The following CMTM8 variants were observed in gnomAD, a reference collection of about 807,000 sequenced individuals.
CMTM8 encodes CKLF like MARVEL transmembrane domain containing 8.
Under a neutral mutation model 18.6 loss-of-function variants are expected in CMTM8, and 12 were observed. The ratio of observed to expected loss-of-function variants is 0.65; its 90% CI spans 0.41 to 1.05. The LOEUF (loss-of-function observed/expected upper bound fraction) is 1.05, where lower values mean the gene tolerates loss of function less well. CMTM8 is among the 50% of genes least tolerant of loss of function. The probability of loss-of-function intolerance (pLI) is 0.00; values close to 1 mark genes in which losing one functional copy is unlikely to be tolerated. For synonymous variants in CMTM8, 87 were observed against 90.6 expected (o/e 0.96, Z 0.23); for missense variants, 217 against 227.2 (o/e 0.95, Z 0.29).
At chr3:32,353,691 TA>T (rs1696756299) in intron 1 of CMTM8, among the ~76,000 whole-genome samples, 2 of 152,082 alleles carry the variant, frequency 1.3e-5, no homozygotes, top group South Asian at 2.1e-4. Flanking sequence ...CCAGAAAGGG[TA>T]AATACAAAAT....
rs989631773 is a variant in CMTM8, at chr3:32,358,430, CAG to C, written c.321+887_321+888del. ...GTACCACATGTGTTTATGTATAAAA[CAG>C]AGCTCTCCAGTGATACTATTTTTTT... On this transcript the variant is annotated intron_variant, in intron 2 of 3. Coordinates refer to ENST00000307526, the MANE Select transcript of CMTM8 (RefSeq NM_178868.5). This position sits in a 1 kb window ranked among gnomAD's most constrained non-coding sequence, Gnocchi z 4.1. Among the ~76,000 whole-genome samples the C allele has an allele frequency of 2.6e-5, 4 of 152,134 alleles. No individual in the cohort carries two copies. The highest frequency in any genetic ancestry group is 4.4e-5 in the Non-Finnish European group (3 of 68,014).
intron 1 of CMTM8, among the ~76,000 whole-genome samples, chr3:32,347,640 C>T (rs940085842): frequency 4.6e-5 from 7 of 152,146 alleles, no homozygotes; most frequent in African/African-American, 1.2e-4. Flanking sequence ...AGGCCAATCA[C>T]GTCACATAAT....
At chr3:32,273,008 A>G (rs1702461320) in intron 1 of CMTM8, among the ~76,000 whole-genome samples, 1 of 152,214 alleles carries the variant, frequency 6.6e-6, no homozygotes, top group South Asian at 2.1e-4. Flanking sequence ...GCTAAACATC[A>G]TTAGTCTTTA....
intron 1 of CMTM8, among the ~76,000 whole-genome samples, chr3:32,292,281 G>A (rs2125557037): frequency 6.6e-6 from 1 of 152,240 alleles, no homozygotes; most frequent in South Asian, 2.1e-4. Flanking sequence ...TTGCGAAATT[G>A]GAGATTTCAA....
At chr3:32,240,033 C>T (rs531275950) in intron 1 of CMTM8, among the ~76,000 whole-genome samples, 1 of 152,348 alleles carries the variant, frequency 6.6e-6, no homozygotes, top group East Asian at 1.9e-4. Flanking sequence ...AGACAGCTTC[C>T]AGCTGCCCCA....
At chr3:32,302,431 C>T (rs543603644) in intron 1 of CMTM8, among the ~76,000 whole-genome samples, 2 of 152,228 alleles carry the variant, frequency 1.3e-5, no homozygotes, top group Admixed American at 6.5e-5. Context: ...TGGTTGTTCC[C>T]GACATCTTAG....
At chr3:32,363,987 G>C (rs929224084) in intron 2 of CMTM8, among the ~76,000 whole-genome samples, 2 of 152,186 alleles carry the variant, frequency 1.3e-5, no homozygotes, top group Non-Finnish European at 2.9e-5. Flanking sequence ...TGTCAAGCAT[G>C]AGTGTCTCTT....
intron 1 of CMTM8, among the ~76,000 whole-genome samples, chr3:32,273,051 C>A (rs577349619): frequency 5.3e-5 from 8 of 151,748 alleles, no homozygotes; most frequent in Non-Finnish European, 1.0e-4. Flanking sequence ...AATGAGATAC[C>A]ATTTCACACC....
At chr3:32,256,961 C>T (rs1308794862) in intron 1 of CMTM8, among the ~76,000 whole-genome samples, 1 of 152,022 alleles carries the variant, frequency 6.6e-6, no homozygotes, top group African/African-American at 2.4e-5. Context: ...GTCTTTTTTC[C>T]CTCCCTAGAA....
intron 1 of CMTM8, among the ~76,000 whole-genome samples, chr3:32,339,845 C>G (rs1696459781): frequency 6.6e-6 from 1 of 152,096 alleles, no homozygotes; most frequent in Non-Finnish European, 1.5e-5. Context: ...CGCCTGTAGT[C>G]CCAGCTACTC....
intron 1 of CMTM8, among the ~76,000 whole-genome samples, chr3:32,336,399 C>T: frequency 6.6e-6 from 1 of 152,240 alleles, no homozygotes; most frequent in East Asian, 1.9e-4. Context: ...GGACCTGAGG[C>T]AGTGCTGGGA....
At chr3:32,305,536 A>T (rs888600698) in intron 1 of CMTM8, among the ~76,000 whole-genome samples, 9 of 152,230 alleles carry the variant, frequency 5.9e-5, no homozygotes, top group Non-Finnish European at 8.8e-5. Context: ...AAAGCTGGTT[A>T]TATCACAGCT....
intron 1 of CMTM8, among the ~76,000 whole-genome samples, chr3:32,245,448 T>C (rs1702000466): frequency 6.6e-6 from 1 of 152,252 alleles, no homozygotes; most frequent in Admixed American, 6.5e-5. Context: ...TTTAAAGTTT[T>C]ATAACAAGCT....
At chr3:32,350,878 C>T (rs545298383) in intron 1 of CMTM8, among the ~76,000 whole-genome samples, 1 of 152,056 alleles carries the variant, frequency 6.6e-6, no homozygotes, top group African/African-American at 2.4e-5. Flanking sequence ...AGGCTGGTCT[C>T]GAACTCCTGA....
chr3:32,264,345 AACT>A (rs1168897750), intron 1 of CMTM8, among the ~76,000 whole-genome samples: 1 of 152,188 alleles, frequency 6.6e-6, no homozygotes, highest in Non-Finnish European at 1.5e-5. Flanking sequence ...ATGTCCAGCC[AACT>A]AAGTAAGCTT....
In CMTM8 at chr3:32,357,403, G is replaced by C; in HGVS notation, c.178G>C (p.Ala60Pro). 1 of 1,613,772 alleles carries C rather than the reference G, an allele frequency of 6.2e-7. No homozygotes were observed. The highest frequency in any genetic ancestry group is 1.3e-5 in the African/African-American group (1 of 74,910). Residue 60 changes from alanine to proline, a missense_variant, in exon 2 of 4, where the codon GCT becomes CCT. Ala to Pro is a conservative substitution (Grantham distance 27, BLOSUM62 -1). Coordinates refer to ENST00000307526, the MANE Select transcript of CMTM8 (RefSeq NM_178868.5). ...GGGGCTGCTGGTATGGACGCTTATT[G>C]CTGGAACTGAGTACTTCCGGGTCCC... The part of the protein sequence containing the change: ...VLGLLVWTLI[A>P]GTEYFRVPAF...
Position 32,303,375 on chromosome 3 carries a change from C to G in CMTM8, c.148-53998C>G, listed in dbSNP as rs140707015. ...GATATTTCTAGTATTTTTGAGAACTCTGATGCATCAAAATGTCTGAGTTCA... is the reference window on the plus strand; with the variant it reads ...GATATTTCTAGTATTTTTGAGAACTGTGATGCATCAAAATGTCTGAGTTCA... On this transcript the variant is annotated intron_variant, in intron 1 of 3. Coordinates refer to ENST00000307526, the MANE Select transcript of CMTM8 (RefSeq NM_178868.5). Among the ~76,000 whole-genome samples the G allele has an allele frequency of 2.0e-3, 311 of 152,316 alleles. 2 individuals are homozygous for G. The highest frequency in any genetic ancestry group is 7.1e-3 in the African/African-American group (297 of 41,570).
chr3:32,362,781 G>A (rs1354845966), intron 2 of CMTM8, among the ~76,000 whole-genome samples: 1 of 152,180 alleles, frequency 6.6e-6, no homozygotes, highest in African/African-American at 2.4e-5. Context: ...CTTATTGGCA[G>A]GGGCTGAGAG....
intron 1 of CMTM8, among the ~76,000 whole-genome samples, chr3:32,300,960 C>CA (rs1276105844): frequency 0.038 from 3,740 of 99,682 alleles, 87 homozygotes; most frequent in African/African-American, 0.072. Flanking sequence ...AACTCCATCT[C>CA]AAAAAAAAAA....
Sources: gnomAD v4.1 joint callset for allele counts (sites outside exome capture counted in the v4.1 genomes callset) on GRCh38, gnomAD v4.1.1 for gene constraint, Gnocchi (gnomAD v3.1) non-coding constraint, MANE v1.5 for transcripts, NCBI Gene and HGNC (gene_info 2026-07-23, HGNC 2026-07-21) for gene names.